The following UROS variants were observed in gnomAD, a reference collection of about 807,000 sequenced individuals.
The protein encoded by UROS is uroporphyrinogen-III synthase.
A neutral mutation model predicts 33.0 loss-of-function variants in UROS; 18 were observed. The ratio of observed to expected loss-of-function variants is 0.55; its 90% confidence interval spans 0.38 to 0.81. The LOEUF is 0.81. UROS is among the 30% of genes least tolerant of loss of function. The probability of loss-of-function intolerance (pLI) is 0.00; values close to 1 mark genes in which losing one functional copy is unlikely to be tolerated. For synonymous variants in UROS, 114 were observed against 121.1 expected (o/e 0.94, Z 0.38); for missense variants, 293 against 314.9 (o/e 0.93, Z 0.53).
chr10:125,789,850 AAAAGGGG>A (rs1194116035), intron 9 of UROS, among the ~76,000 whole-genome samples: 3 of 152,182 alleles, frequency 2.0e-5, no homozygotes, highest in Non-Finnish European at 4.4e-5. Flanking sequence ...CCTCACCTAT[AAAAGGGG>A]CACAGTTACC....
chr10:125,812,567 A>C (rs1852910491), intron 4 of UROS, among the ~76,000 whole-genome samples: 1 of 152,262 alleles, frequency 6.6e-6, no homozygotes, highest in South Asian at 2.1e-4. Flanking sequence ...GGGAACCACG[A>C]AATCAACATA....
intron 1 of UROS, among the ~76,000 whole-genome samples, chr10:125,822,649 G>A (rs998435984): frequency 2.0e-5 from 3 of 152,092 alleles, no homozygotes. Flanking sequence ...GCAGAGATGA[G>A]GTTTTGCCAT....
chr10:125,791,911 T>G (rs1399846971), intron 9 of UROS: 2 of 151,940 alleles, frequency 1.3e-5, no homozygotes, highest in African/African-American at 4.8e-5. Flanking sequence ...GTTGCACAAA[T>G]CTGTGACTCT....
At chr10:125,789,151 C>T in intron 9 of UROS, 146 bp from the exon 10 acceptor site, 3 of 1,424,016 alleles carry the variant, frequency 2.1e-6, no homozygotes, top group East Asian at 2.4e-5. Context: ...GACAACACTG[C>T]CCGATTCTAG....
At chr10:125,812,119 CA>C in intron 5 of UROS, 94 bp downstream of exon 5, 2 of 1,266,690 alleles carry the variant, frequency 1.6e-6, no homozygotes, top group Non-Finnish European at 1.1e-6. Flanking sequence ...ATTTAATAAG[CA>C]AAAAATAATA....
chr10:125,801,969 G>T, intron 6 of UROS: 1 of 972,490 alleles, frequency 1.0e-6, no homozygotes, highest in Non-Finnish European at 1.2e-6. Flanking sequence ...AAAACAGGCA[G>T]GAGCCACCTA....
At chr10:125,815,963 A>G (rs1430927151) in intron 3 of UROS, among the ~76,000 whole-genome samples, 1 of 152,148 alleles carries the variant, frequency 6.6e-6, no homozygotes, top group Non-Finnish European at 1.5e-5. Flanking sequence ...CCTGGGCCCC[A>G]ATCTCTGAGT....
chr10:125,790,783 CA>C (rs368264390), intron 9 of UROS, among the ~76,000 whole-genome samples: 205 of 122,468 alleles, frequency 1.7e-3, no homozygotes, highest in Middle Eastern at 4.9e-3. Flanking sequence ...AACTCCATCT[CA>C]AAAAAAAAAA....
chr10:125,794,548 T>C (rs1370275520), intron 9 of UROS, among the ~76,000 whole-genome samples: 2 of 152,164 alleles, frequency 1.3e-5, no homozygotes, highest in Non-Finnish European at 2.9e-5. Context: ...GGAAAGGATG[T>C]TAACACCTGT....
At chr10:125,816,752 A>G (rs78384385) in intron 1 of UROS, 1 of 579,584 alleles carries the variant, frequency 1.7e-6, no homozygotes. Flanking sequence ...GGAAAGACAG[A>G]TGAAACCATT....
intron 3 of UROS, among the ~76,000 whole-genome samples, chr10:125,815,534 T>G (rs1344344773): frequency 6.6e-6 from 1 of 152,200 alleles, no homozygotes; most frequent in East Asian, 1.9e-4. Context: ...GCTGAAGTCC[T>G]GATTTTCAAA....
chr10:125,786,311 CTT>C (rs995225036), downstream of UROS, among the ~76,000 whole-genome samples: 18 of 144,168 alleles, frequency 1.2e-4, no homozygotes, highest in African/African-American at 4.6e-4. Flanking sequence ...GAGTTTTGCT[CTT>C]GTTGCCCAGG....
intron 6 of UROS, chr10:125,802,908 AC>A: frequency 6.2e-7 from 1 of 1,601,254 alleles, no homozygotes; most frequent in Non-Finnish European, 8.5e-7. Flanking sequence ...GGCTTTCCCC[AC>A]CGCCTTGCCA....
chr10:125,813,501 GAA>G (rs958768724), intron 4 of UROS, among the ~76,000 whole-genome samples: 19 of 152,170 alleles, frequency 1.2e-4, no homozygotes, highest in African/African-American at 4.6e-4. Context: ...GCACCACTGG[GAA>G]AGAGTACACA....
At chr10:125,795,321 G>A in intron 8 of UROS, 1 of 349,550 alleles carries the variant, frequency 2.9e-6, no homozygotes, top group South Asian at 2.7e-5. Context: ...GCAGTGGTGT[G>A]AGGCAGTGCT....
chr10:125,797,939 C>T, intron 7 of UROS, 126 bp downstream of exon 7: 4 of 1,102,066 alleles, frequency 3.6e-6, no homozygotes, highest in Middle Eastern at 2.6e-4. Context: ...GTCTCCTGGC[C>T]TGGCTTATCC....
chr10:125,803,786 G>A (rs1269166378), intron 6 of UROS, among the ~76,000 whole-genome samples: 1 of 152,216 alleles, frequency 6.6e-6, no homozygotes, highest in Non-Finnish European at 1.5e-5. Context: ...CCCCTGCCAT[G>A]CTGTACTCTC....
intron 9 of UROS, chr10:125,793,837 G>C (rs541165282): frequency 6.6e-6 from 1 of 152,174 alleles, no homozygotes; most frequent in Non-Finnish European, 1.5e-5. Flanking sequence ...GAGCCACAGC[G>C]CCCGGCCTCT....
chr10:125,803,417 C>T (rs563113288), intron 6 of UROS, among the ~76,000 whole-genome samples: 8 of 152,198 alleles, frequency 5.3e-5, no homozygotes, highest in Admixed American at 3.9e-4. Flanking sequence ...TGTGGGAAGA[C>T]GGCTCCTTCA....
Sources: allele counts gnomAD v4.1 joint callset (sites outside exome capture counted in the v4.1 genomes callset), GRCh38; gene constraint gnomAD v4.1.1; transcripts MANE v1.5; gene names NCBI Gene and HGNC (gene_info 2026-07-23, HGNC 2026-07-21).